The following C9orf85 variants were observed in gnomAD, a reference collection of about 807,000 sequenced individuals.
C9orf85 encodes the protein chromosome 9 open reading frame 85, also known as uncharacterized protein C9orf85.
Under a neutral mutation model 14.9 loss-of-function variants are expected in C9orf85, and 16 were observed. The observed-to-expected ratio is 1.08, with a 90% CI of 0.73 to 1.63. C9orf85 has a LOEUF of 1.63. C9orf85 is among the 40% of genes most tolerant of loss of function. The probability of loss-of-function intolerance (pLI) is 0.00; values close to 1 mark genes in which losing one functional copy is unlikely to be tolerated. For missense variants in C9orf85, 172 were observed against 186.1 expected (o/e 0.92, Z 0.44); for synonymous variants, 45 against 56.8 (o/e 0.79, Z 0.93).
intron 1 of C9orf85, among the ~76,000 whole-genome samples, chr9:71,936,138 AT>A (rs1828185229): frequency 6.6e-6 from 1 of 152,066 alleles, no homozygotes; most frequent in African/African-American, 2.4e-5. Context: ...TAATTGAGTG[AT>A]TGCTGTTTGG....
At chr9:71,971,451 T>A in intron 2 of C9orf85, 54 bp from the exon 3 acceptor site, 1 of 1,092,020 alleles carries the variant, frequency 9.2e-7, no homozygotes. Flanking sequence ...TCTTATTTTA[T>A]CAAATAAGTC....
intron 1 of C9orf85, among the ~76,000 whole-genome samples, chr9:71,929,687 C>G (rs1204120025): frequency 1.3e-5 from 2 of 151,798 alleles, no homozygotes; most frequent in Non-Finnish European, 2.9e-5. Flanking sequence ...AACAAGCCAG[C>G]ATGTTTGGCC....
intron 1 of C9orf85, among the ~76,000 whole-genome samples, chr9:71,913,200 C>T (rs1225565657): frequency 6.6e-6 from 1 of 152,076 alleles, no homozygotes; most frequent in African/African-American, 2.4e-5. Context: ...ATTAATTTCC[C>T]GACATTGATT....
chr9:71,971,473 T>C, intron 2 of C9orf85, 32 bp from the exon 3 acceptor site: 1 of 1,276,132 alleles, frequency 7.8e-7, no homozygotes, highest in Admixed American at 2.0e-5. Context: ...GAAATAAACA[T>C]AAATAAGTTA....
chr9:71,977,825 T>G (rs1251775038), downstream of C9orf85, among the ~76,000 whole-genome samples: 3 of 152,210 alleles, frequency 2.0e-5, no homozygotes, highest in African/African-American at 7.2e-5. Flanking sequence ...TTTTACTGGC[T>G]ACACTGATGG....
At chr9:71,956,806 G>A (rs779439629) in intron 2 of C9orf85, among the ~76,000 whole-genome samples, 1 of 152,086 alleles carries the variant, frequency 6.6e-6, no homozygotes, top group Non-Finnish European at 1.5e-5. Flanking sequence ...CTATACTAGG[G>A]TCATAGCCAG....
intron 2 of C9orf85, among the ~76,000 whole-genome samples, chr9:71,963,096 TAAAA>T (rs536098332): frequency 1.3e-5 from 2 of 152,166 alleles, no homozygotes; most frequent in African/African-American, 4.8e-5. Flanking sequence ...AACAGTGTCA[TAAAA>T]AAATCTTAAG....
At chr9:71,963,777 G>C (rs753904022) in intron 2 of C9orf85, among the ~76,000 whole-genome samples, 1 of 152,190 alleles carries the variant, frequency 6.6e-6, no homozygotes, top group Non-Finnish European at 1.5e-5. Flanking sequence ...GCCTTCCTGC[G>C]GGGCAGAGCT....
At chr9:71,914,688 A>C (rs966838911) in intron 1 of C9orf85, among the ~76,000 whole-genome samples, 2 of 152,240 alleles carry the variant, frequency 1.3e-5, no homozygotes, top group African/African-American at 4.8e-5. Flanking sequence ...GAGTATATTC[A>C]AATTTTGTGC....
chr9:71,931,638 G>A (rs1027220045), intron 1 of C9orf85, among the ~76,000 whole-genome samples: 1 of 152,108 alleles, frequency 6.6e-6, no homozygotes, highest in African/African-American at 2.4e-5. Flanking sequence ...TATTAAACCT[G>A]CCTGGATTTG....
At chr9:71,981,835 C>T (rs1431485177) in intron 3 of C9orf85, among the ~76,000 whole-genome samples, 5 of 152,128 alleles carry the variant, frequency 3.3e-5, no homozygotes, top group African/African-American at 9.7e-5. Context: ...GCTGTAAAGT[C>T]AGTTAAATTG....
At chr9:71,963,448 G>C (rs1441488495) in intron 2 of C9orf85, among the ~76,000 whole-genome samples, 2 of 152,120 alleles carry the variant, frequency 1.3e-5, no homozygotes. Context: ...GGCACTTGAG[G>C]AGCCCTTCAG....
At position 71,930,782 on chromosome 9, in the gene C9orf85, T is replaced by G. The variant is rs766007103; in HGVS notation, c.103-16224T>G. ...ATCCCACCACTGCACTCTATCTGGG[T>G]GACAGAGCAAGACCCTGTCTCAAAA... On this transcript the variant is annotated intron_variant, in intron 1 of 3. Coordinates refer to ENST00000334731, the MANE Select transcript of C9orf85 (RefSeq NM_182505.5). 1.9e-3 allele frequency among the ~76,000 whole-genome samples: 237 copies of G among 124,304 alleles called. 2 individuals carry two copies. The highest frequency in any genetic ancestry group is 2.5e-3 in the Non-Finnish European group (162 of 63,768). The allele number at this position is 124,304 out of a possible 152,430, so 81.5% of individuals were successfully genotyped here. A position where few individuals can be genotyped will look rare whatever the true frequency, so the allele number is the denominator to read the frequency against.
In C9orf85 at chr9:71,958,228, A is replaced by G. The variant is rs968651946; in HGVS notation, c.209+11116A>G. On this transcript the variant is annotated intron_variant, in intron 2 of 3. Transcript: ENST00000334731. The stretch of plus-strand genomic sequence containing the variant: ...TTGAAGGTAATTAAAATATATATAT[A>G]TATTATATATATATTTTTTATATTT... 5.7e-5 allele frequency among the ~76,000 whole-genome samples: 8 copies of G among 140,504 alleles called. No individual in the cohort carries two copies. In the Admixed American group the frequency reaches 6.2e-4, roughly 11 times the overall value. The allele number at this position is 140,504 out of a possible 152,430, so 92.2% of individuals were successfully genotyped here.
chr9:71,965,447 A>C (rs919493439), intron 2 of C9orf85, among the ~76,000 whole-genome samples: 2 of 152,082 alleles, frequency 1.3e-5, no homozygotes, highest in Non-Finnish European at 2.9e-5. Context: ...AGGACATGTC[A>C]AGGGCGGGCT....
At position 71,956,844 on chromosome 9, in the gene C9orf85, TCTAAAGAGAAATAG is replaced by T. The variant is rs374762433; in HGVS notation, c.209+9745_209+9758del. ...AAGAGTCTTTGACTTGCTCATATTT[TCTAAAGAGAAATAG>T]CTAAAGAGAAATGAACAAAGTTAAG... On this transcript the variant is annotated intron_variant, in intron 2 of 3. Coordinates refer to ENST00000334731, the MANE Select transcript of C9orf85 (RefSeq NM_182505.5). 3.7e-3 allele frequency among the ~76,000 whole-genome samples: 561 copies of T among 152,324 alleles called. 3 individuals carry two copies. The highest frequency in any genetic ancestry group is 0.013 in the African/African-American group (520 of 41,568).
At chr9:71,976,355 T>C (rs554991007), downstream of C9orf85, among the ~76,000 whole-genome samples, 47 of 152,282 alleles carry the variant, frequency 3.1e-4, no homozygotes, top group African/African-American at 1.0e-3. Flanking sequence ...ATAAAACTTA[T>C]ATGAGGAGCT....
intron 2 of C9orf85, among the ~76,000 whole-genome samples, chr9:71,963,972 G>T (rs1370961750): frequency 6.6e-6 from 1 of 152,212 alleles, no homozygotes; most frequent in Non-Finnish European, 1.5e-5. Context: ...CCCCGGAGTG[G>T]GATCCACGGG....
At chr9:71,954,307 A>G (rs1357837802) in intron 2 of C9orf85, among the ~76,000 whole-genome samples, 3 of 151,720 alleles carry the variant, frequency 2.0e-5, no homozygotes, top group Non-Finnish European at 4.4e-5. Flanking sequence ...GACTGTAGGG[A>G]AAAAGGTGTT....
Sources: allele counts gnomAD v4.1 joint callset (sites outside exome capture counted in the v4.1 genomes callset), GRCh38; gene constraint gnomAD v4.1.1; transcripts MANE v1.5; gene names NCBI Gene and HGNC (gene_info 2026-07-23, HGNC 2026-07-21).